Variants in PLPP4 observed in about 807,000 individuals in gnomAD.
The protein encoded by PLPP4 is diacylglycerol pyrophosphate like 2.
Under a neutral mutation model 32.2 loss-of-function variants are expected in PLPP4, and 20 were observed. The ratio of observed to expected loss-of-function variants is 0.62; its 90% CI spans 0.44 to 0.90. The LOEUF is 0.90. PLPP4 is among the 40% of genes least tolerant of loss of function. The pLI is 0.00. For synonymous variants in PLPP4, 127 were observed against 133.0 expected (o/e 0.95, Z 0.31); for missense variants, 257 against 353.1 (o/e 0.73, Z 2.18).
intron 5 of PLPP4, among the ~76,000 whole-genome samples, chr10:120,524,609 C>T (rs1332605954): frequency 6.6e-6 from 1 of 152,176 alleles, no homozygotes; most frequent in Non-Finnish European, 1.5e-5. Flanking sequence ...CTTAATCTAC[C>T]ATAAGCAGCC....
intron 1 of PLPP4, among the ~76,000 whole-genome samples, chr10:120,469,837 T>C (rs952186008): frequency 6.6e-6 from 1 of 152,232 alleles, no homozygotes; most frequent in Non-Finnish European, 1.5e-5. Context: ...AACACATGCT[T>C]CATTGTTTTT....
chr10:120,494,897 C>T (rs1326511259), intron 1 of PLPP4, among the ~76,000 whole-genome samples: 1 of 152,168 alleles, frequency 6.6e-6, no homozygotes, highest in African/African-American at 2.4e-5. Context: ...TGTTGCATTT[C>T]CCAAGTAAGG....
intron 5 of PLPP4, among the ~76,000 whole-genome samples, chr10:120,536,671 C>CAAAAAAAAAAAAAAAAAAAAAAAA (rs35552215): frequency 1.6e-5 from 2 of 124,738 alleles, no homozygotes; most frequent in South Asian, 2.8e-4. Flanking sequence ...AAAGCACAGG[C>CAAAAAAAAAAAAAAAAAAAAAAAA]AAAAAAAAAA....
chr10:120,555,085 TGTGGGGG>T (rs1848091873), intron 5 of PLPP4, among the ~76,000 whole-genome samples: 1 of 151,462 alleles, frequency 6.6e-6, no homozygotes, highest in South Asian at 2.1e-4. Context: ...GAGTGGCAAA[TGTGGGGG>T]GTGGGGGTGG....
At chr10:120,537,416 C>T (rs935118354) in intron 5 of PLPP4, among the ~76,000 whole-genome samples, 16 of 152,118 alleles carry the variant, frequency 1.1e-4, no homozygotes, top group South Asian at 2.1e-4. Flanking sequence ...GAGGACATTA[C>T]GCTAAGCGAA....
In PLPP4 at chr10:120,555,075, G is replaced by A. The variant is rs531709729; in HGVS notation, c.446-20056G>A. Reference sequence around the variant, plus strand: ...CTCCCAGTGGCTGTCAGATTACAGCGAGTGGCAAATGTGGGGGGTGGGGGT... The same window carrying A: ...CTCCCAGTGGCTGTCAGATTACAGCAAGTGGCAAATGTGGGGGGTGGGGGT... On this transcript the variant is annotated intron_variant, in intron 5 of 6. Transcript: ENST00000398250. 2.4e-4 allele frequency among the ~76,000 whole-genome samples: 37 copies of A among 152,126 alleles called. 1 individual carries two copies. In the South Asian group the frequency reaches 7.1e-3, roughly 29 times the overall value.
At chr10:120,505,171 AG>A (rs1336195836) in intron 2 of PLPP4, among the ~76,000 whole-genome samples, 1 of 152,230 alleles carries the variant, frequency 6.6e-6, no homozygotes, top group African/African-American at 2.4e-5. Flanking sequence ...AAGAGAGATG[AG>A]GGAACTTGCC....
chr10:120,484,382 T>C (rs1210441581), intron 1 of PLPP4, among the ~76,000 whole-genome samples: 2 of 152,186 alleles, frequency 1.3e-5, no homozygotes, highest in Non-Finnish European at 2.9e-5. Context: ...CAGAAATGTA[T>C]TGGTGCATGT....
At chr10:120,521,717 G>T (rs537847167) in intron 5 of PLPP4, among the ~76,000 whole-genome samples, 11 of 152,346 alleles carry the variant, frequency 7.2e-5, no homozygotes, top group African/African-American at 2.6e-4. Context: ...CTGTGCCTCA[G>T]TTCCTGCTGT....
chr10:120,467,290 C>A (rs1260200578), intron 1 of PLPP4, among the ~76,000 whole-genome samples: 3 of 63,288 alleles, frequency 4.7e-5, no homozygotes, highest in African/African-American at 1.0e-4. Flanking sequence ...TGGGGTTTCA[C>A]CATGTTAGCC....
intron 1 of PLPP4, among the ~76,000 whole-genome samples, chr10:120,485,755 A>C (rs1299931296): frequency 6.6e-6 from 1 of 152,248 alleles, no homozygotes; most frequent in Non-Finnish European, 1.5e-5. Flanking sequence ...AAGCAAAAAG[A>C]ATACAGCGAT....
chr10:120,584,882 C>T (rs563699993), intron 6 of PLPP4, among the ~76,000 whole-genome samples: 1 of 152,286 alleles, frequency 6.6e-6, no homozygotes, highest in South Asian at 2.1e-4. Flanking sequence ...TTCACTCATT[C>T]CATTAAATGG....
At chr10:120,553,329 G>A (rs1306850051) in intron 5 of PLPP4, among the ~76,000 whole-genome samples, 1 of 152,150 alleles carries the variant, frequency 6.6e-6, no homozygotes, top group Non-Finnish European at 1.5e-5. Flanking sequence ...AGGTCATAGG[G>A]TCATAGGGTC....
intron 6 of PLPP4, among the ~76,000 whole-genome samples, chr10:120,588,065 T>C (rs1849841706): frequency 6.6e-6 from 1 of 152,228 alleles, no homozygotes; most frequent in South Asian, 2.1e-4. Context: ...ACTCCAGGGT[T>C]CAAGCCCAAT....
rs528856691 is a variant in PLPP4, at chr10:120,586,774, A to G, written c.617-2529A>G. ...TGAGTCCAGCATTAAACATTAAACA[A>G]TCGCACAATTTGTCATTGTTCGCCA... On this transcript the variant is annotated intron_variant, in intron 6 of 6. Transcript: ENST00000398250. 1.2e-3 allele frequency among the ~76,000 whole-genome samples: 184 copies of G among 152,298 alleles called. 1 individual carries two copies. The highest frequency in any genetic ancestry group is 4.3e-3 in the African/African-American group (178 of 41,554).
intron 2 of PLPP4, among the ~76,000 whole-genome samples, chr10:120,511,304 C>T (rs1845717982): frequency 6.6e-6 from 1 of 152,092 alleles, no homozygotes; most frequent in Non-Finnish European, 1.5e-5. Context: ...TGATCCTGAG[C>T]GCCTCCCACC....
chr10:120,572,041 G>C (rs1286685345), intron 5 of PLPP4, among the ~76,000 whole-genome samples: 1 of 152,192 alleles, frequency 6.6e-6, no homozygotes, highest in Non-Finnish European at 1.5e-5. Flanking sequence ...AAGACTGGCT[G>C]CTGCTGGGTG....
intron 1 of PLPP4, among the ~76,000 whole-genome samples, chr10:120,496,102 G>A (rs1844952269): frequency 1.3e-5 from 2 of 152,306 alleles, no homozygotes; most frequent in South Asian, 4.2e-4. Flanking sequence ...TTGGGAAAAA[G>A]GATGATGAAG....
chr10:120,512,952 G>A (rs1845790739), intron 2 of PLPP4, among the ~76,000 whole-genome samples: 1 of 152,148 alleles, frequency 6.6e-6, no homozygotes, highest in Non-Finnish European at 1.5e-5. Flanking sequence ...TTCGTCAACA[G>A]TTACACCCCA....
Sources: gnomAD v4.1 joint callset for allele counts (sites outside exome capture counted in the v4.1 genomes callset) on GRCh38, gnomAD v4.1.1 for gene constraint, MANE v1.5 for transcripts, NCBI Gene and HGNC (gene_info 2026-07-23, HGNC 2026-07-21) for gene names.